The following CLDN10 variants were observed in gnomAD, a reference collection of about 807,000 sequenced individuals.
The protein encoded by CLDN10 is claudin 10, also known as claudin-10.
A neutral mutation model predicts 22.9 loss-of-function variants in CLDN10; 15 were observed. The ratio of observed to expected loss-of-function variants is 0.65; its 90% confidence interval spans 0.44 to 1.01. The LOEUF is 1.01. Ranked by LOEUF, CLDN10 falls within the 50% of genes least tolerant of loss-of-function variation. CLDN10 has a pLI of 0.00. For missense variants in CLDN10, 247 were observed against 287.8 expected (o/e 0.86, Z 1.03); for synonymous variants, 114 against 111.4 (o/e 1.02, Z -0.15).
chr13:95,463,995 A>G (rs776875821), intron 1 of CLDN10, among the ~76,000 whole-genome samples: 1 of 152,092 alleles, frequency 6.6e-6, no homozygotes, highest in Non-Finnish European at 1.5e-5. Context: ...ACACAAGGAC[A>G]TTAGTCATTT....
intron 1 of CLDN10, among the ~76,000 whole-genome samples, chr13:95,517,610 G>T (rs1478726538): frequency 9.2e-5 from 14 of 152,146 alleles, no homozygotes; most frequent in African/African-American, 3.4e-4. Flanking sequence ...TTCCTGACAA[G>T]ATTCTGAAGT....
chr13:95,495,317 G>C (rs1051448139), intron 1 of CLDN10, among the ~76,000 whole-genome samples: 1 of 151,922 alleles, frequency 6.6e-6, no homozygotes, highest in African/African-American at 2.4e-5. Context: ...GATTACAGGC[G>C]TGAGCCACCG....
chr13:95,477,307 T>G (rs1403947033), intron 1 of CLDN10, among the ~76,000 whole-genome samples: 1 of 152,122 alleles, frequency 6.6e-6, no homozygotes, highest in Admixed American at 6.5e-5. Context: ...TTTAAATCAT[T>G]TCAGCAGGCT....
In CLDN10 at chr13:95,489,388, GTT is replaced by G. The variant is rs552563178; in HGVS notation, c.214+55350_214+55351del. The stretch of plus-strand genomic sequence containing the variant: ...ACTGCACCCATGCCAACGTCTACTG[GTT>G]TTTTTTTTATTTTTTGATAATGGCC... On this transcript the variant is annotated intron_variant, in intron 1 of 4. Coordinates refer to the CLDN10 transcript ENST00000376873. Among the ~76,000 whole-genome samples the G allele has an allele frequency of 8.9e-4, 133 of 149,916 alleles. 1 individual carries two copies. Among genetic ancestry groups the G allele is most frequent in the African/African-American group, 3.1e-3 (125 of 40,958 alleles).
At chr13:95,527,573 A>T (rs2043296114) in intron 1 of CLDN10, among the ~76,000 whole-genome samples, 1 of 151,948 alleles carries the variant, frequency 6.6e-6, no homozygotes, top group Non-Finnish European at 1.5e-5. Flanking sequence ...CTACAAAAAA[A>T]AAAAATACAA....
intron 1 of CLDN10, among the ~76,000 whole-genome samples, chr13:95,523,531 T>C (rs1465487959): frequency 6.6e-6 from 1 of 152,216 alleles, no homozygotes; most frequent in Admixed American, 6.5e-5. Context: ...TATTTGCCGT[T>C]TATTTCCTTT....
At chr13:95,439,067 G>A (rs2042299712) in intron 1 of CLDN10, among the ~76,000 whole-genome samples, 1 of 151,794 alleles carries the variant, frequency 6.6e-6, no homozygotes, top group Non-Finnish European at 1.5e-5. Flanking sequence ...CACATCTAGG[G>A]AACAGCTGGG....
chr13:95,515,207 GTTGTTT>G (rs1441101413), intron 1 of CLDN10, among the ~76,000 whole-genome samples: 24 of 129,942 alleles, frequency 1.8e-4, no homozygotes, highest in East Asian at 1.4e-3. Context: ...TGTTGTTGTT[GTTGTTT>G]TTTGAGACAG....
At chr13:95,435,641 G>A (rs2042261499) in intron 1 of CLDN10, among the ~76,000 whole-genome samples, 1 of 152,028 alleles carries the variant, frequency 6.6e-6, no homozygotes, top group Non-Finnish European at 1.5e-5. Flanking sequence ...ATAGAACACT[G>A]CCCTAGAAAC....
chr13:95,474,847 A>G (rs2042669757), intron 1 of CLDN10, among the ~76,000 whole-genome samples: 1 of 152,142 alleles, frequency 6.6e-6, no homozygotes, highest in African/African-American at 2.4e-5. Flanking sequence ...GGGGTGGGGC[A>G]GGCGTGGAGC....
At chr13:95,539,004 C>T (rs944900913) in intron 1 of CLDN10, among the ~76,000 whole-genome samples, 3 of 152,100 alleles carry the variant, frequency 2.0e-5, no homozygotes, top group Non-Finnish European at 4.4e-5. Flanking sequence ...CTCAGCCTCC[C>T]GAGTAGCTGG....
At position 95,433,941 on chromosome 13, in the gene CLDN10, G is replaced by A. The variant is rs149372773; in HGVS notation, c.108G>A (p.Ser36=). The A allele has an allele frequency of 1.9e-3, 2,990 of 1,614,190 alleles. 5 individuals are homozygous for A. The highest frequency in any genetic ancestry group is 2.9e-3 in the Admixed American group (175 of 60,028). The change falls in exon 1 of 5, where the codon TCG becomes TCA. Residue 36 remains serine, a synonymous_variant. Coordinates refer to the CLDN10 transcript ENST00000376873. ...GGAAAGTGACCACGCGAGCCTCCTC[G>A]GTGATAACAGCCACTTGGGTTTACC...
chr13:95,517,332 G>A (rs1213505349), intron 1 of CLDN10, among the ~76,000 whole-genome samples: 1 of 152,172 alleles, frequency 6.6e-6, no homozygotes, highest in Non-Finnish European at 1.5e-5. Context: ...TCTTCCCACA[G>A]ACAAACAATG....
chr13:95,534,822 G>T (rs1328984338), intron 1 of CLDN10, among the ~76,000 whole-genome samples: 2 of 151,712 alleles, frequency 1.3e-5, no homozygotes, highest in East Asian at 1.9e-4. Flanking sequence ...TTCAATAAAC[G>T]GTAGCCAATC....
chr13:95,578,688 A>ATGCAGAGAGTTACGTAGCAGGGGATGTTC lies in CLDN10; in HGVS notation c.*676_*704dup, dbSNP rs1277211022. 2 of 152,232 alleles carry ATGCAGAGAGTTACGTAGCAGGGGATGTTC rather than the reference A, an allele frequency of 1.3e-5. No homozygotes were observed. Among genetic ancestry groups the ATGCAGAGAGTTACGTAGCAGGGGATGTTC allele is most frequent in the Non-Finnish European group, 2.9e-5 (2 of 68,052 alleles). 9.4% of individuals were successfully genotyped at this position (152,232 alleles called of 1,614,324 possible). On this transcript the variant is annotated 3_prime_UTR_variant, in exon 5 of 5. Transcript: ENST00000299339. ...AAAGCCACACCATTCTCTTTGATGT[A>ATGCAGAGAGTTACGTAGCAGGGGATGTTC]TGCAGAGAGTTACGTAGCAGGGGAT...
intron 1 of CLDN10, among the ~76,000 whole-genome samples, chr13:95,482,101 A>G (rs2042754172): frequency 6.6e-6 from 1 of 152,202 alleles, no homozygotes; most frequent in Non-Finnish European, 1.5e-5. Flanking sequence ...TGTAACACTA[A>G]GGATAAATGC....
intron 1 of CLDN10, among the ~76,000 whole-genome samples, chr13:95,467,269 A>G (rs910385249): frequency 2.8e-4 from 43 of 152,268 alleles, no homozygotes; most frequent in Middle Eastern, 3.4e-3. Flanking sequence ...TAAATATTCC[A>G]GTATATATCT....
At chr13:95,483,217 A>G (rs2138499396) in intron 1 of CLDN10, among the ~76,000 whole-genome samples, 1 of 152,304 alleles carries the variant, frequency 6.6e-6, no homozygotes, top group South Asian at 2.1e-4. Context: ...TTGATTTTTC[A>G]TTGAACAGCT....
At chr13:95,483,349 C>T (rs563534826) in intron 1 of CLDN10, among the ~76,000 whole-genome samples, 33 of 133,682 alleles carry the variant, frequency 2.5e-4, no homozygotes, top group Admixed American at 6.1e-4. Context: ...CCTCATTTCT[C>T]ATCTCTAATT....
Sources: allele counts gnomAD v4.1 joint callset (sites outside exome capture counted in the v4.1 genomes callset), GRCh38; gene constraint gnomAD v4.1.1; transcripts MANE v1.5; gene names NCBI Gene and HGNC (gene_info 2026-07-23, HGNC 2026-07-21).